ZNF709: variants seen among roughly 807,000 people sequenced by gnomAD.
The protein encoded by ZNF709 is zinc finger protein 709.
In ZNF709, 15 loss-of-function variants were observed where a neutral mutation model predicts 10.6. The observed-to-expected ratio is 1.41, with a 90% CI of 0.95 to 2.18. The LOEUF (loss-of-function observed/expected upper bound fraction) is 2.18. Ranked by LOEUF, ZNF709 falls within the 30% of genes most tolerant of loss-of-function variation. The pLI, the probability that ZNF709 is intolerant of heterozygous loss-of-function variation, is 0.00. For missense variants in ZNF709, 589 were observed against 774.0 expected (o/e 0.76, Z 2.84); for synonymous variants, 194 against 238.8 (o/e 0.81, Z 1.73).
chr19:12,471,701 T>C (rs1008676220), intron 1 of ZNF709, among the ~76,000 whole-genome samples: 4 of 152,204 alleles, frequency 2.6e-5, no homozygotes, highest in Non-Finnish European at 5.9e-5. Flanking sequence ...TGTAGGGTAG[T>C]GGAAGAGATC....
At chr19:12,467,190 C>G (rs8100341) in intron 1 of ZNF709, among the ~76,000 whole-genome samples, 61,516 of 152,130 alleles carry the variant, frequency 0.4, 14,108 homozygotes, top group Non-Finnish European at 0.51. Context: ...GATGCAGAGC[C>G]GAAGCTGGAC....
At chr19:12,479,455 T>G (rs1019885058) in intron 1 of ZNF709, among the ~76,000 whole-genome samples, 1 of 152,252 alleles carries the variant, frequency 6.6e-6, no homozygotes, top group Non-Finnish European at 1.5e-5. Context: ...GCATGATTTC[T>G]TTAAAATAAA....
At position 12,464,714 on chromosome 19, in the gene ZNF709, C is replaced by T; in HGVS notation, c.1208G>A (p.Cys403Tyr). Residue 403 changes from cysteine to tyrosine, a missense_variant, in exon 4 of 4, where the codon TGT becomes TAT. Transcript: ENST00000397732. Reference protein sequence around the residue: ...ECKQCGKAFSCSSSFRMHERT... With the variant: ...ECKQCGKAFSYSSSFRMHERT... Reference sequence around the variant, plus strand: ...TTCATGCATTCGAAAGGAACTGGAACAACTGAAGGCTTTACCACACTGTTT... The same window carrying T: ...TTCATGCATTCGAAAGGAACTGGAATAACTGAAGGCTTTACCACACTGTTT... The T allele has an allele frequency of 1.9e-6, 3 of 1,612,758 alleles. No individual in the cohort carries two copies. Among genetic ancestry groups the T allele is most frequent in the African/African-American group, 1.3e-5 (1 of 74,706 alleles).
chr19:12,465,800 T>A, intron 3 of ZNF709, 67 bp from the exon 4 acceptor site: 2 of 1,233,868 alleles, frequency 1.6e-6, no homozygotes, highest in Non-Finnish European at 2.1e-6. Context: ...TTTATAATTA[T>A]TGATTATTTC....
At chr19:12,467,941 GC>G (rs1387123990) in intron 1 of ZNF709, among the ~76,000 whole-genome samples, 4 of 151,484 alleles carry the variant, frequency 2.6e-5, no homozygotes, top group Non-Finnish European at 5.9e-5. Flanking sequence ...GTGGGGGTCA[GC>G]CCCCGCACGG....
rs370702942 is a variant in ZNF709, at chr19:12,466,841, C to T, written c.13G>A (p.Val5Ile). The change falls in exon 2 of 4, where the codon GTC (valine) becomes ATC (isoleucine). Residue 5 changes from valine (V) to isoleucine (I), a missense_variant. Around this residue, in one of 2 missense-constraint regions of ZNF709, gnomAD observed 418 missense variants for 496.3 expected, o/e 0.84. Coordinates refer to ENST00000397732, the MANE Select transcript of ZNF709 (RefSeq NM_152601.4). Reference protein sequence around the residue: MDSVVFEDVAVNFTQ... With the variant: MDSVIFEDVAVNFTQ... ...AAGTTCACAGCCACATCCTCAAAGA[C>T]CACTGAGTCCTGAAACATCCCACAT... 23 of 1,613,618 alleles carry T rather than the reference C, an allele frequency of 1.4e-5. No individual in the cohort carries two copies. The highest frequency in any genetic ancestry group is 1.8e-5 in the Non-Finnish European group (21 of 1,179,796).
In ZNF709 at chr19:12,464,672, T is replaced by C; in HGVS notation, c.1250A>G (p.Glu417Gly). ...FRMHERTHTG[E>G]KPHECKQCGK... ...ACATTGTTTACATTCATGGGGTTTC[T>C]CTCCAGTGTGAGTTCTTTCATGCAT... Residue 417 changes from glutamate (E) to glycine (G), a missense_variant, in exon 4 of 4, where the codon GAG becomes GGG. Glu to Gly is a moderately conservative substitution (Grantham distance 98, BLOSUM62 -2). Around this residue, in one of 2 missense-constraint regions of ZNF709, gnomAD observed 418 missense variants for 496.3 expected, o/e 0.84. Transcript: ENST00000397732. 6.2e-7 allele frequency: 1 copy of C among 1,612,560 alleles called. No homozygotes were observed. The highest frequency in any genetic ancestry group is 1.1e-5 in the South Asian group (1 of 90,752).
intron 1 of ZNF709, among the ~76,000 whole-genome samples, chr19:12,468,451 A>G (rs965096649): frequency 1.3e-5 from 2 of 151,930 alleles, no homozygotes; most frequent in African/African-American, 4.8e-5. Flanking sequence ...AAATGGATTA[A>G]GGGCGGTGCA....
intron 1 of ZNF709, among the ~76,000 whole-genome samples, chr19:12,481,727 T>C (rs1477391750): frequency 6.6e-6 from 1 of 151,926 alleles, no homozygotes; most frequent in African/African-American, 2.4e-5. Flanking sequence ...AACACCAGCC[T>C]GGACACAGTG....
intron 1 of ZNF709, among the ~76,000 whole-genome samples, chr19:12,480,315 T>TGCATTA (rs1250242956): frequency 6.6e-6 from 1 of 152,218 alleles, no homozygotes; most frequent in Non-Finnish European, 1.5e-5. Context: ...CATATTATAA[T>TGCATTA]GCATTAGCAT....
At chr19:12,470,908 C>G (rs1306183107) in intron 1 of ZNF709, among the ~76,000 whole-genome samples, 1 of 142,430 alleles carries the variant, frequency 7.0e-6, no homozygotes, top group African/African-American at 2.6e-5. Context: ...GCCTGGGCAA[C>G]AGAGCGAGAC....
chr19:12,479,758 T>C (rs992656433), intron 1 of ZNF709, among the ~76,000 whole-genome samples: 4 of 152,110 alleles, frequency 2.6e-5, no homozygotes, highest in African/African-American at 9.7e-5. Context: ...TAGTCCCAGC[T>C]ACTCGCGAGG....
chr19:12,474,818 C>T (rs778582846), intron 1 of ZNF709, among the ~76,000 whole-genome samples: 1 of 152,058 alleles, frequency 6.6e-6, no homozygotes, highest in Non-Finnish European at 1.5e-5. Flanking sequence ...TGGGTAAAGG[C>T]AAAAGTATAG....
Position 12,464,969 on chromosome 19 carries a change from C to A in ZNF709, c.953G>T (p.Ser318Ile). ...ATGTTTTCTAAAGGAACTAGGAAAA[C>A]TGAAGGCTTTCCCACATTTTTTACA... ...YKCKKCGKAF[S>I]FPSSFRKHER... The change falls in exon 4 of 4, where the codon AGT (serine) becomes ATT (isoleucine). Residue 318 changes from serine to isoleucine, a missense_variant. Around this residue, in one of 2 missense-constraint regions of ZNF709, gnomAD observed 418 missense variants for 496.3 expected, o/e 0.84. Transcript: ENST00000397732. 1 of 1,605,704 alleles carries A rather than the reference C, an allele frequency of 6.2e-7. No individual in the cohort carries two copies. The highest frequency in any genetic ancestry group is 1.7e-5 in the Admixed American group (1 of 57,846).
intron 1 of ZNF709, among the ~76,000 whole-genome samples, chr19:12,468,223 A>T (rs1970601529): frequency 6.6e-6 from 1 of 152,248 alleles, no homozygotes; most frequent in African/African-American, 2.4e-5. Context: ...ACGGGCCATA[A>T]TGACAATGGC....
chr19:12,475,547 T>C (rs188223959), intron 1 of ZNF709, among the ~76,000 whole-genome samples: 3 of 152,230 alleles, frequency 2.0e-5, no homozygotes, highest in Admixed American at 6.5e-5. Flanking sequence ...AAACTGGAGA[T>C]AGACTTTCCT....
At chr19:12,484,816 CGCAGCGCCCCTCCGCCCGCCTTCCCG>C (rs1970765863), upstream of ZNF709, 7 of 937,300 alleles carry the variant, frequency 7.5e-6, no homozygotes, top group South Asian at 1.8e-5. Context: ...TCGCCGTTTG[CGCAGCGCCCCTCCGCCCGCCTTCCCG>C]GCGGCGCCCC....
At chr19:12,467,859 T>A (rs1344684519) in intron 1 of ZNF709, among the ~76,000 whole-genome samples, 1 of 147,734 alleles carries the variant, frequency 6.8e-6, no homozygotes, top group Non-Finnish European at 1.5e-5. Context: ...GAGGAGACCC[T>A]CCTCCTGGCA....
chr19:12,464,373 TG>T lies in ZNF709; in HGVS notation c.1548del (p.Ser517ValfsTer69). On this transcript the variant is annotated frameshift_variant, in exon 4 of 4. Transcript: ENST00000397732. LOFTEE classifies it low-confidence loss of function (END_TRUNC). ...CKQCGKAFSC[S>X]SSFRMHERTH... The stretch of plus-strand genomic sequence containing the variant: ...GTCCTTTCATGCATTCGAAAGGAAC[TG>T]GAACAACTGAAGGCTTTACCACATT... 6.2e-7 allele frequency: 1 copy of T among 1,610,816 alleles called. No individual in the cohort carries two copies. Among genetic ancestry groups the T allele is most frequent in the Non-Finnish European group, 8.5e-7 (1 of 1,178,880 alleles).
Sources: allele counts gnomAD v4.1 joint callset (sites outside exome capture counted in the v4.1 genomes callset), GRCh38; gene constraint gnomAD v4.1.1; regional missense constraint gnomAD v4.1.1; transcripts MANE v1.5; gene names NCBI Gene and HGNC (gene_info 2026-07-23, HGNC 2026-07-21).